Variants in MACF1 observed in about 807,000 individuals in gnomAD.
MACF1 encodes the protein microtubule-actin cross-linking factor 1.
A neutral mutation model predicts 854.8 loss-of-function variants in MACF1; 193 were observed. The observed-to-expected ratio is 0.23, with a 90% CI of 0.20 to 0.25. MACF1 has a LOEUF of 0.25. Ranked by LOEUF, MACF1 falls within the 10% of genes least tolerant of loss-of-function variation. The pLI is 1.00. For missense variants in MACF1, 7,722 were observed against 8,929.1 expected (o/e 0.86, Z 5.45); for synonymous variants, 3,185 against 3,226.7 (o/e 0.99, Z 0.44).
At chr1:39,450,785 G>A (rs1373526532) in intron 84 of MACF1, among the ~76,000 whole-genome samples, 1 of 151,628 alleles carries the variant, frequency 6.6e-6, no homozygotes, top group Admixed American at 6.6e-5. Context: ...CTAATTTTTT[G>A]TATTTTTAGT....
At chr1:39,291,420 T>C (rs1645786463) in intron 15 of MACF1, among the ~76,000 whole-genome samples, 1 of 152,250 alleles carries the variant, frequency 6.6e-6, no homozygotes, top group South Asian at 2.1e-4. Flanking sequence ...TCTTCCTATG[T>C]CTGCATAATA....
chr1:39,432,500 A>G (rs1377604085), intron 66 of MACF1, 35 bp from the exon 67 acceptor site: 3 of 1,609,056 alleles, frequency 1.9e-6, no homozygotes, highest in East Asian at 2.2e-5. Context: ...TTGGCTGTAT[A>G]TAATTTGTTT....
rs185363793 is a variant in MACF1, at chr1:39,213,547, G to A, written c.109+8416G>A. Among the ~76,000 whole-genome samples, 302 of 152,274 alleles carry A rather than the reference G, an allele frequency of 2.0e-3. 2 individuals carry two copies. The highest frequency in any genetic ancestry group is 7.0e-3 in the African/African-American group (292 of 41,552). ...TCGGGGTTTTACCGTGTTGGCCCCAGGGTGGTCTCGAACTCCTGAGCTCAG... is the reference window on the plus strand; with the variant it reads ...TCGGGGTTTTACCGTGTTGGCCCCAAGGTGGTCTCGAACTCCTGAGCTCAG... On this transcript the variant is annotated intron_variant, in intron 1 of 100. Coordinates refer to ENST00000564288, the MANE Select transcript of MACF1 (RefSeq NM_001394062.1).
chr1:39,331,949 A>G lies in MACF1; in HGVS notation c.5361A>G (p.Glu1787=), dbSNP rs1646735269. Residue 1787 remains glutamate, a synonymous_variant, in exon 37 of 101, where the codon GAA becomes GAG. Coordinates refer to ENST00000564288, the MANE Select transcript of MACF1 (RefSeq NM_001394062.1). The part of the protein sequence containing the change: ...DPRTGHRLTV[E]EAVRHNLIDQ... ...GAACAGGACACAGACTTACAGTGGAAGAGGCTGTAAGACATAATCTGATTG... is the reference window on the plus strand; with the variant it reads ...GAACAGGACACAGACTTACAGTGGAGGAGGCTGTAAGACATAATCTGATTG... 1 of 1,614,034 alleles carries G rather than the reference A, an allele frequency of 6.2e-7. No individual in the cohort carries two copies. Among genetic ancestry groups the G allele is most frequent in the South Asian group, 1.1e-5 (1 of 91,082 alleles).
At chr1:39,174,453 A>G (rs1643998317) in intron 2 of MACF1, among the ~76,000 whole-genome samples, 1 of 152,158 alleles carries the variant, frequency 6.6e-6, no homozygotes, top group Admixed American at 6.5e-5. Flanking sequence ...GTAATTCCAA[A>G]TGTGGCTTTC....
chr1:39,441,928 C>T (rs771471486), intron 74 of MACF1, 24 bp from the exon 75 acceptor site: 8 of 1,569,172 alleles, frequency 5.1e-6, no homozygotes, highest in Non-Finnish European at 6.1e-6. Context: ...TTGTTTTTGA[C>T]TGTTTACTTG....
intron 2 of MACF1, among the ~76,000 whole-genome samples, chr1:39,182,393 A>G (rs1644116043): frequency 9.5e-6 from 1 of 105,536 alleles, no homozygotes; most frequent in African/African-American, 2.7e-5. Context: ...TTTGTGCTTC[A>G]AAGGACACTA....
At chr1:39,187,895 T>TCTCTC (rs1553160210) in intron 2 of MACF1, among the ~76,000 whole-genome samples, 41 of 68,468 alleles carry the variant, frequency 6.0e-4, no homozygotes, top group African/African-American at 2.1e-3. Context: ...TCTCTCTCTC[T>TCTCTC]CTCTCTCCTC....
chr1:39,133,375 G>A (rs1643061505), intron 2 of MACF1, among the ~76,000 whole-genome samples: 1 of 152,216 alleles, frequency 6.6e-6, no homozygotes, highest in Admixed American at 6.5e-5. Flanking sequence ...CAGTGGGGAG[G>A]CAGTCATTGT....
chr1:39,372,731 C>T (rs981758912), intron 52 of MACF1, 135 bp downstream of exon 52: 65 of 669,178 alleles, frequency 9.7e-5, no homozygotes, highest in Non-Finnish European at 1.5e-4. Flanking sequence ...AAGCAGTCTT[C>T]CCCTGCAACC....
chr1:39,239,949 A>G (rs924607727), intron 2 of MACF1, among the ~76,000 whole-genome samples: 4 of 152,132 alleles, frequency 2.6e-5, no homozygotes, highest in African/African-American at 9.7e-5. Context: ...TTAAGAGACA[A>G]GTTATCCCTA....
rs1401545611 is a variant in MACF1 at position 39,334,187 on chromosome 1, G to A, written c.7599G>A (p.Glu2533=). 6.2e-7 allele frequency: 1 copy of A among 1,614,000 alleles called. No homozygotes were observed. The highest frequency in any genetic ancestry group is 1.3e-5 in the African/African-American group (1 of 74,908). Residue 2533 remains glutamate, a synonymous_variant, in exon 37 of 101, where the codon GAG becomes GAA. Coordinates refer to ENST00000564288, the MANE Select transcript of MACF1 (RefSeq NM_001394062.1). The part of the protein sequence containing the change: ...RHGLIGEDLA[E]KLKRVENLNI... ...GCTTAATTGGTGAAGATTTAGCCGA[G>A]AAACTCAAAAGAGTTGAGAACTTAA... is the stretch of plus-strand genomic sequence containing the variant.
intron 2 of MACF1, among the ~76,000 whole-genome samples, chr1:39,136,493 G>A (rs1050228507): frequency 6.6e-6 from 1 of 152,168 alleles, no homozygotes; most frequent in Non-Finnish European, 1.5e-5. Context: ...TTTGTCCCCA[G>A]TTCCTGCTCT....
chr1:39,212,620 G>GTATTTTT (rs922719304), intron 1 of MACF1, among the ~76,000 whole-genome samples: 80 of 152,126 alleles, frequency 5.3e-4, no homozygotes, highest in African/African-American at 1.9e-3. Flanking sequence ...AACCAGTTAA[G>GTATTTTT]TATTTTTTAT....
intron 92 of MACF1, 76 bp from the exon 93 acceptor site, chr1:39,461,791 CAAAAAAAAAAAAAAAA>C (rs59393084): frequency 7.7e-5 from 27 of 350,940 alleles, no homozygotes; most frequent in Admixed American, 5.5e-4. Context: ...GACCTTGTCT[CAAAAAAAAAAAAAAAA>C]AAAAAAAAAA....
At chr1:39,257,755 T>C (rs1645113573) in intron 5 of MACF1, 181 bp from the exon 6 acceptor site, 5 of 554,302 alleles carry the variant, frequency 9.0e-6, no homozygotes, top group African/African-American at 7.7e-5. Context: ...AGGGACCTTT[T>C]TGGGGTGATG....
chr1:39,424,238 T>C (rs1643651415), intron 61 of MACF1, 44 bp downstream of exon 61: 1 of 1,558,342 alleles, frequency 6.4e-7, no homozygotes, highest in African/African-American at 1.4e-5. Flanking sequence ...AGGTTTGTTT[T>C]GTTCTTCTTC....
intron 71 of MACF1, among the ~76,000 whole-genome samples, chr1:39,438,902 G>A (rs1344751469): frequency 1.3e-5 from 2 of 151,900 alleles, no homozygotes; most frequent in Non-Finnish European, 2.9e-5. Flanking sequence ...GGCCAACATG[G>A]TGAAACCCCG....
rs139539637 is a variant in MACF1 at position 39,105,987 on chromosome 1, A to G, written c.220+21549A>G. ...GGCCCCAGCTGGAAGAAGGCGAGAC[A>G]AGGCGCTGGCCTGGAGACCGGCCGC... On this transcript the variant is annotated intron_variant, in intron 2 of 93. Transcript: ENST00000361689. This position sits in a 1 kb window ranked among gnomAD's most constrained non-coding sequence, Gnocchi z 5.9. 2.2e-4 allele frequency among the ~76,000 whole-genome samples: 34 copies of G among 152,264 alleles called. 1 individual carries two copies. Among genetic ancestry groups the G allele is most frequent in the Non-Finnish European group, 4.0e-4 (27 of 68,004 alleles).
Sources: gnomAD v4.1 joint callset for allele counts (sites outside exome capture counted in the v4.1 genomes callset) on GRCh38, gnomAD v4.1.1 for gene constraint, Gnocchi (gnomAD v3.1) non-coding constraint, MANE v1.5 for transcripts, NCBI Gene and HGNC (gene_info 2026-07-23, HGNC 2026-07-21) for gene names.